The following IL1RAPL2 variants were observed in gnomAD, a reference collection of about 807,000 sequenced individuals.
IL1RAPL2 encodes the protein X-linked interleukin-1 receptor accessory protein-like 2.
Under a neutral mutation model 44.1 loss-of-function variants are expected in IL1RAPL2, and 3 were observed. That is an observed-to-expected ratio of 0.07 (90% CI 0.03 to 0.18). IL1RAPL2 has a LOEUF of 0.18. Ranked by LOEUF, IL1RAPL2 falls within the 10% of genes least tolerant of loss-of-function variation. IL1RAPL2 has a pLI of 1.00. For synonymous variants in IL1RAPL2, 181 were observed against 178.8 expected, an observed-to-expected ratio of 1.01 and a Z score of -0.10; for missense variants, 391 against 496.4, an observed-to-expected ratio of 0.79 and a Z score of 2.02.
rs753494292 is a variant in IL1RAPL2 at position 104,879,365 on chromosome X, T to TAAAAAAAAAAAAAAAAAAAAAAA, written c.82+220389_82+220390insAAAAAAAAAAAAAAAAAAAAAAA. Among the ~76,000 whole-genome samples, 28 of 31,005 alleles carry TAAAAAAAAAAAAAAAAAAAAAAA rather than the reference T, an allele frequency of 9.0e-4. 3 individuals are homozygous for TAAAAAAAAAAAAAAAAAAAAAAA. The highest frequency in any genetic ancestry group is 5.2e-3 in the African/African-American group (28 of 5,361). 26.9% of individuals were successfully genotyped at this position (31,005 alleles called of 115,157 possible). A position where few individuals can be genotyped will look rare whatever the true frequency, so the allele number is the denominator to read the frequency against. On this transcript the variant is annotated intron_variant, in intron 2 of 10. Coordinates refer to ENST00000372582, the MANE Select transcript of IL1RAPL2 (RefSeq NM_017416.2). The stretch of plus-strand genomic sequence containing the variant: ...TGTAAAAGAGACCAAGCAAAACTAG[T>TAAAAAAAAAAAAAAAAAAAAAAA]AAAAAAAAAAAAAAAAAAAGAGTGC...
intron 1 of IL1RAPL2, among the ~76,000 whole-genome samples, chrX:104,613,188 G>A (rs1306414717): frequency 2.7e-5 from 3 of 111,022 alleles, no homozygotes; most frequent in African/African-American, 9.8e-5. Context: ...TGATTGATAT[G>A]GCTAGGACTA....
chrX:105,682,090 A>G (rs776745117), intron 6 of IL1RAPL2, among the ~76,000 whole-genome samples: 2 of 112,140 alleles, frequency 1.8e-5, no homozygotes, highest in South Asian at 7.4e-4. Context: ...TTTTTCTTTG[A>G]CATGCAATAC....
At chrX:105,214,652 C>T (rs1280167244) in intron 3 of IL1RAPL2, among the ~76,000 whole-genome samples, 1 of 111,754 alleles carries the variant, frequency 8.9e-6, no homozygotes, top group Non-Finnish European at 1.9e-5. Context: ...GAACTGTCCA[C>T]CTCAAATCAA....
chrX:105,208,662 G>A lies in IL1RAPL2; in HGVS notation c.356+12914G>A, dbSNP rs782762497. On this transcript the variant is annotated intron_variant, in intron 3 of 10. Transcript: ENST00000372582. ...CAAGCCAATACAAATCTACACACTCGTTTCCAGACCAGATCTCACTCTTCA... is the reference window on the plus strand; with the variant it reads ...CAAGCCAATACAAATCTACACACTCATTTCCAGACCAGATCTCACTCTTCA... Among the ~76,000 whole-genome samples the A allele has an allele frequency of 2.7e-5, 3 of 111,655 alleles. No homozygotes were observed. The East Asian group carries it at 8.5e-4, about 31-fold the overall frequency.
At chrX:105,279,117 T>C (rs2034509130) in intron 5 of IL1RAPL2, among the ~76,000 whole-genome samples, 2 of 53,101 alleles carry the variant, frequency 3.8e-5, no homozygotes, top group African/African-American at 1.5e-4. Context: ...ACATTAGGGC[T>C]CTTCAAGATC....
chrX:104,610,386 T>C (rs1396205140), intron 1 of IL1RAPL2, among the ~76,000 whole-genome samples: 1 of 111,496 alleles, frequency 9.0e-6, no homozygotes, highest in African/African-American at 3.3e-5. Flanking sequence ...GAAAACCCCA[T>C]TGTCTCAGCC....
intron 5 of IL1RAPL2, among the ~76,000 whole-genome samples, chrX:105,304,897 G>T (rs1338123098): frequency 9.0e-6 from 1 of 111,653 alleles, no homozygotes; most frequent in East Asian, 2.8e-4. Flanking sequence ...ATTGGCTCAC[G>T]GTTCTGCTGG....
chrX:105,087,562 G>C (rs1450497365), intron 2 of IL1RAPL2, among the ~76,000 whole-genome samples: 1 of 112,140 alleles, frequency 8.9e-6, no homozygotes, highest in East Asian at 2.8e-4. Flanking sequence ...CTGAATGTAA[G>C]GATAAAGGCA....
At chrX:105,090,742 C>A (rs1430456532) in intron 2 of IL1RAPL2, among the ~76,000 whole-genome samples, 1 of 112,221 alleles carries the variant, frequency 8.9e-6, no homozygotes, top group African/African-American at 3.2e-5. Context: ...AATGAGAGTT[C>A]TTCTAGCCCT....
At chrX:105,199,243 C>T (rs1195923259) in intron 3 of IL1RAPL2, among the ~76,000 whole-genome samples, 2 of 109,686 alleles carry the variant, frequency 1.8e-5, no homozygotes, top group East Asian at 2.9e-4. Flanking sequence ...CACCTTTGCC[C>T]GTGGGAAGCT....
intron 1 of IL1RAPL2, among the ~76,000 whole-genome samples, chrX:104,580,697 GAA>G (rs895576266): frequency 1.5e-4 from 17 of 112,233 alleles, no homozygotes; most frequent in African/African-American, 4.5e-4. Flanking sequence ...GAGGGAGAGA[GAA>G]GTCTGTATTT....
intron 4 of IL1RAPL2, among the ~76,000 whole-genome samples, chrX:105,237,312 C>A (rs1467852845): frequency 7.2e-5 from 8 of 111,875 alleles, no homozygotes; most frequent in African/African-American, 2.6e-4. Flanking sequence ...ATACGGTGTG[C>A]ATGTGTCTTT....
At chrX:105,143,929 T>G (rs895421788) in intron 2 of IL1RAPL2, among the ~76,000 whole-genome samples, 8 of 110,018 alleles carry the variant, frequency 7.3e-5, no homozygotes, top group Non-Finnish European at 1.3e-4. Context: ...ACATGGCACA[T>G]GTATATATAT....
At chrX:104,624,994 CT>C (rs1286442947) in intron 1 of IL1RAPL2, among the ~76,000 whole-genome samples, 1 of 112,095 alleles carries the variant, frequency 8.9e-6, no homozygotes, top group African/African-American at 3.2e-5. Flanking sequence ...ATATATACTT[CT>C]GTAGAATTGA....
At chrX:104,645,815 A>G (rs770056784) in intron 1 of IL1RAPL2, among the ~76,000 whole-genome samples, 33 of 112,697 alleles carry the variant, frequency 2.9e-4, no homozygotes, top group Non-Finnish European at 3.0e-4. Context: ...GACTAAACAA[A>G]GTTATTATTT....
At chrX:104,783,977 A>G (rs1932786740) in intron 2 of IL1RAPL2, among the ~76,000 whole-genome samples, 2 of 110,938 alleles carry the variant, frequency 1.8e-5, no homozygotes, top group Non-Finnish European at 3.8e-5. Context: ...TCTGGTTGAT[A>G]CTTTAATATT....
chrX:105,359,986 G>A (rs1000547788), intron 5 of IL1RAPL2, among the ~76,000 whole-genome samples: 6 of 110,707 alleles, frequency 5.4e-5, no homozygotes, highest in Non-Finnish European at 9.5e-5. Context: ...TAGAACCCAG[G>A]TCTCTCTGAC....
At chrX:104,948,403 C>G (rs2147707984) in intron 2 of IL1RAPL2, among the ~76,000 whole-genome samples, 1 of 101,878 alleles carries the variant, frequency 9.8e-6, no homozygotes, top group Non-Finnish European at 2.0e-5. Flanking sequence ...ATTGAATACC[C>G]TTTATTTCCT....
chrX:105,661,078 A>G (rs1008963580), intron 6 of IL1RAPL2, among the ~76,000 whole-genome samples: 7 of 111,836 alleles, frequency 6.3e-5, no homozygotes, highest in Non-Finnish European at 1.3e-4. Context: ...GACTAAAAAT[A>G]AAGGGATGGA....
Sources: gnomAD v4.1 joint callset for allele counts (sites outside exome capture counted in the v4.1 genomes callset) on GRCh38, gnomAD v4.1.1 for gene constraint, MANE v1.5 for transcripts, NCBI Gene and HGNC (gene_info 2026-07-23, HGNC 2026-07-21) for gene names.